ALG12: variants seen among roughly 807,000 people sequenced by gnomAD.
ALG12 encodes ALG12 alpha-1,6-mannosyltransferase.
ALG12 carries 36 observed loss-of-function variants against 46.0 expected under a neutral mutation model. That is an observed-to-expected ratio of 0.78 (90% confidence interval 0.60 to 1.03). The LOEUF (loss-of-function observed/expected upper bound fraction) is 1.03, where lower values mean the gene tolerates loss of function less well. ALG12 is among the 50% of genes least tolerant of loss of function. The pLI, the probability that ALG12 is intolerant of heterozygous loss-of-function variation, is 0.00. For synonymous variants in ALG12, 326 were observed against 291.6 expected (o/e 1.12, Z -1.20); for missense variants, 599 against 633.5 (o/e 0.95, Z 0.58).
At chr22:49,886,852 C>T in the ALG12 span, 1 of 1,614,084 alleles carries the variant, frequency 6.2e-7, no homozygotes, top group Non-Finnish European at 8.5e-7. This position sits in a 1 kb window ranked among gnomAD's most constrained non-coding sequence, Gnocchi z 7.7. Context: ...AGAGGAGAAC[C>T]TGTGGTCACT....
chr22:49,899,589 G>A (rs2147570824), downstream of ALG12, among the ~76,000 whole-genome samples: 1 of 152,158 alleles, frequency 6.6e-6, no homozygotes, highest in African/African-American at 2.4e-5. Context: ...CCCTGTGGAG[G>A]GAACGTGGCA....
the ALG12 span, chr22:49,884,532 C>A: frequency 6.2e-7 from 1 of 1,614,084 alleles, no homozygotes. Context: ...GGTCCGCTGT[C>A]TGGAAGCACT....
At chr22:49,915,066 T>C (rs1014494031) in intron 1 of ALG12, among the ~76,000 whole-genome samples, 1 of 152,138 alleles carries the variant, frequency 6.6e-6, no homozygotes, top group Non-Finnish European at 1.5e-5. Context: ...TTAAGAAGTA[T>C]ACAAAGATGG....
chr22:49,910,939 G>A (rs1351241035), intron 3 of ALG12, among the ~76,000 whole-genome samples: 1 of 152,212 alleles, frequency 6.6e-6, no homozygotes, highest in Non-Finnish European at 1.5e-5. Context: ...GGCATCTCCA[G>A]GGGAAATGTT....
chr22:49,887,004 G>A, the ALG12 span: 13 of 1,613,982 alleles, frequency 8.1e-6, no homozygotes, highest in Non-Finnish European at 1.0e-5. Flanking sequence ...GGCCGGGGCT[G>A]TCCGCGCTGG....
chr22:49,877,528 G>A, the ALG12 span, among the ~76,000 whole-genome samples: 97,797 of 151,974 alleles, frequency 0.64, 35,660 homozygotes, highest in East Asian at 0.85. Context: ...CTGACCTCGT[G>A]TGATCCCTCC....
the ALG12 span, among the ~76,000 whole-genome samples, chr22:49,882,051 C>G: frequency 1.3e-5 from 2 of 152,186 alleles, no homozygotes; most frequent in Non-Finnish European, 2.9e-5. Flanking sequence ...CTTTCACTCT[C>G]AGAAATGCCC....
the ALG12 span, chr22:49,884,291 A>G: frequency 1.9e-5 from 30 of 1,612,898 alleles, no homozygotes; most frequent in East Asian, 5.8e-4. Context: ...AAACTTGTCC[A>G]GAAAGTGGCG....
rs2060542219 is a variant in ALG12, at chr22:49,906,427, G to A, written c.992+1294C>T. Reference sequence around the variant, plus strand: ...CCCCCACTGAGGCGCGGCTACAGCAGCCAGAGGAGCCCCCAACCCAGGCAC... The same window carrying A: ...CCCCCACTGAGGCGCGGCTACAGCAACCAGAGGAGCCCCCAACCCAGGCAC... On this transcript the variant is annotated intron_variant, in intron 7 of 9. Coordinates refer to ENST00000330817, the MANE Select transcript of ALG12 (RefSeq NM_024105.4). This position sits in a 1 kb window ranked among gnomAD's most constrained non-coding sequence, Gnocchi z 4.4. Among the ~76,000 whole-genome samples, 1 of 152,068 alleles carries A rather than the reference G, an allele frequency of 6.6e-6. No homozygotes were observed. Among genetic ancestry groups the A allele is most frequent in the Non-Finnish European group, 1.5e-5 (1 of 68,000 alleles).
At chr22:49,912,940 T>C (rs995245866) in intron 3 of ALG12, among the ~76,000 whole-genome samples, 2 of 152,138 alleles carry the variant, frequency 1.3e-5, no homozygotes, top group East Asian at 1.9e-4. Context: ...AAAGTCCTCA[T>C]GTGGGCACAG....
chr22:49,874,632 C>G, the ALG12 span, among the ~76,000 whole-genome samples: 4 of 140,114 alleles, frequency 2.9e-5, no homozygotes, highest in African/African-American at 7.9e-5. Context: ...CTTGGCCTCC[C>G]GAAGTGCTGG....
the ALG12 span, among the ~76,000 whole-genome samples, chr22:49,869,067 G>A: frequency 2.7e-5 from 4 of 150,688 alleles, no homozygotes; most frequent in Non-Finnish European, 5.9e-5. Flanking sequence ...GAGGTTGGGT[G>A]AGTCGAGATC....
At chr22:49,915,456 C>T (rs779459350) in intron 1 of ALG12, among the ~76,000 whole-genome samples, 2 of 152,056 alleles carry the variant, frequency 1.3e-5, no homozygotes, top group African/African-American at 4.8e-5. Context: ...ACTCGGGAGG[C>T]TAAGGCAGGA....
the ALG12 span, among the ~76,000 whole-genome samples, chr22:49,862,480 C>A: frequency 6.6e-6 from 1 of 152,064 alleles, no homozygotes; most frequent in African/African-American, 2.4e-5. Context: ...TGAATAAAAT[C>A]AGTGTCTAGC....
the ALG12 span, among the ~76,000 whole-genome samples, chr22:49,879,335 C>T: frequency 6.6e-6 from 1 of 151,838 alleles, no homozygotes; most frequent in Non-Finnish European, 1.5e-5. Context: ...CCATATTGGC[C>T]AAGCTGGTCT....
chr22:49,907,170 C>T (rs903355357), intron 7 of ALG12, among the ~76,000 whole-genome samples: 1 of 152,178 alleles, frequency 6.6e-6, no homozygotes, highest in Non-Finnish European at 1.5e-5. Flanking sequence ...AGCCCGAGGC[C>T]CTGTCAGGAT....
chr22:49,903,168 CACATAGGAA>C lies in ALG12; in HGVS notation c.*661_*669del, dbSNP rs2060523609. On this transcript the variant is annotated 3_prime_UTR_variant, in exon 10 of 10. Transcript: ENST00000330817. ...GGAATAGTCACCTGTGATAAGCTAT[CACATAGGAA>C]ACATTTTTAAAATTTCATTCTCATT... is the stretch of plus-strand genomic sequence containing the variant. 2.7e-6 allele frequency: 1 copy of C among 370,938 alleles called. No homozygotes were observed. The highest frequency in any genetic ancestry group is 2.1e-5 in the African/African-American group (1 of 47,100). 23.0% of individuals were successfully genotyped at this position (370,938 alleles called of 1,614,324 possible). A position where few individuals can be genotyped will look rare whatever the true frequency, so the allele number is the denominator to read the frequency against.
At chr22:49,911,198 G>C (rs1172017739) in intron 3 of ALG12, among the ~76,000 whole-genome samples, 1 of 152,204 alleles carries the variant, frequency 6.6e-6, no homozygotes, top group Non-Finnish European at 1.5e-5. Context: ...CTGAAAACAG[G>C]AAGAAAAATG....
In ALG12 at chr22:49,903,504, G is replaced by C. The variant is rs1184460733; in HGVS notation, c.*334C>G. The C allele has an allele frequency of 1.9e-6, 1 of 515,604 alleles. No individual in the cohort carries two copies. The highest frequency in any genetic ancestry group is 1.5e-5 in the South Asian group (1 of 65,068). The allele number at this position is 515,604 out of a possible 1,614,324, so 31.9% of individuals were successfully genotyped here. A position where few individuals can be genotyped will look rare whatever the true frequency, so the allele number is the denominator to read the frequency against. On this transcript the variant is annotated 3_prime_UTR_variant, in exon 10 of 10. Coordinates refer to ENST00000330817, the MANE Select transcript of ALG12 (RefSeq NM_024105.4). Reference sequence around the variant, plus strand: ...ACACACGTGGCCTCCTGGCAGACAGGTGCCTGGGTGAGCCCGCTGCTCCTG... The same window carrying C: ...ACACACGTGGCCTCCTGGCAGACAGCTGCCTGGGTGAGCCCGCTGCTCCTG...
Sources: gnomAD v4.1 joint callset for allele counts (sites outside exome capture counted in the v4.1 genomes callset) on GRCh38, gnomAD v4.1.1 for gene constraint, Gnocchi (gnomAD v3.1) non-coding constraint, MANE v1.5 for transcripts, NCBI Gene and HGNC (gene_info 2026-07-23, HGNC 2026-07-21) for gene names.